HIVEP2: variants seen among roughly 807,000 people sequenced by gnomAD.
HIVEP2 encodes the protein transcription factor HIVEP2.
A neutral mutation model predicts 180.7 loss-of-function variants in HIVEP2; 14 were observed. The observed-to-expected ratio is 0.08, with a 90% confidence interval of 0.05 to 0.12. The LOEUF is 0.12. Ranked by LOEUF, HIVEP2 falls within the 10% of genes least tolerant of loss-of-function variation. The pLI is 1.00. For synonymous variants in HIVEP2, 1,184 were observed against 1,136.4 expected (o/e 1.04, Z -0.84); for missense variants, 2,579 against 3,008.5 (o/e 0.86, Z 3.34).
chr6:142,885,232 C>T (rs1776666505), intron 1 of HIVEP2, among the ~76,000 whole-genome samples: 1 of 152,122 alleles, frequency 6.6e-6, no homozygotes, highest in Admixed American at 6.6e-5. Flanking sequence ...GGAAATGCAC[C>T]TTTCCCCACA....
At chr6:142,792,701 A>T (rs994015046) in intron 2 of HIVEP2, among the ~76,000 whole-genome samples, 1 of 152,154 alleles carries the variant, frequency 6.6e-6, no homozygotes, top group Non-Finnish European at 1.5e-5. Context: ...CATTCTGCAC[A>T]TGTATCCCAG....
chr6:142,811,200 T>TGAGA (rs371157476), intron 2 of HIVEP2, among the ~76,000 whole-genome samples: 2 of 151,528 alleles, frequency 1.3e-5, no homozygotes, highest in African/African-American at 4.8e-5. Context: ...TGTGTGTGTG[T>TGAGA]GAGAGAGACA....
chr6:142,901,813 T>G (rs961295808), intron 1 of HIVEP2, among the ~76,000 whole-genome samples: 21 of 152,130 alleles, frequency 1.4e-4, no homozygotes, highest in African/African-American at 3.9e-4. Flanking sequence ...GAAAATGACC[T>G]TCGTCTTAAC....
intron 1 of HIVEP2, among the ~76,000 whole-genome samples, chr6:142,899,763 T>TC (rs1777085881): frequency 6.6e-6 from 1 of 152,158 alleles, no homozygotes; most frequent in African/African-American, 2.4e-5. Flanking sequence ...CCCAGGCCTC[T>TC]CATCAATAAT....
intron 6 of HIVEP2, among the ~76,000 whole-genome samples, chr6:142,767,673 C>A (rs1775409133): frequency 6.6e-6 from 1 of 152,168 alleles, no homozygotes; most frequent in Non-Finnish European, 1.5e-5. Flanking sequence ...ATGAAAGATA[C>A]ATTTCTATCA....
chr6:142,875,239 A>G (rs931692892), intron 1 of HIVEP2, among the ~76,000 whole-genome samples: 1 of 152,208 alleles, frequency 6.6e-6, no homozygotes, highest in African/African-American at 2.4e-5. Flanking sequence ...CACTGCCAGC[A>G]GGAAAAGCAG....
At chr6:142,790,041 T>A (rs1562519515) in intron 2 of HIVEP2, among the ~76,000 whole-genome samples, 2 of 152,196 alleles carry the variant, frequency 1.3e-5, no homozygotes, top group African/African-American at 4.8e-5. Flanking sequence ...CAATTTTCAG[T>A]ATAAGCTATT....
At chr6:142,827,526 G>A (rs572465614) in intron 2 of HIVEP2, among the ~76,000 whole-genome samples, 8 of 152,184 alleles carry the variant, frequency 5.3e-5, no homozygotes, top group Admixed American at 2.0e-4. Flanking sequence ...CTGTGTGCGC[G>A]CACGCACGTG....
intron 1 of HIVEP2, among the ~76,000 whole-genome samples, chr6:142,852,247 T>C (rs917725150): frequency 1.4e-4 from 22 of 152,222 alleles, no homozygotes; most frequent in Non-Finnish European, 3.2e-4. Flanking sequence ...GTTTTAACTT[T>C]ATTATTGGGA....
chr6:142,784,407 A>G (rs972250429), intron 2 of HIVEP2, among the ~76,000 whole-genome samples: 1 of 152,228 alleles, frequency 6.6e-6, no homozygotes, highest in Non-Finnish European at 1.5e-5. Flanking sequence ...TTCCTGCAGT[A>G]CCACTTCATG....
At chr6:142,890,341 C>T (rs895284190) in intron 1 of HIVEP2, among the ~76,000 whole-genome samples, 1 of 152,226 alleles carries the variant, frequency 6.6e-6, no homozygotes, top group South Asian at 2.1e-4. Context: ...ACAAAGTTAA[C>T]GCAATTCAGC....
intron 2 of HIVEP2, among the ~76,000 whole-genome samples, chr6:142,818,734 AAAGAAAGAAAGAAAG>A (rs1562249144): frequency 5.3e-4 from 9 of 17,012 alleles, no homozygotes; most frequent in African/African-American, 1.7e-3. Context: ...GAAAGAAAGA[AAAGAAAGAAAGAAAG>A]AAAGAAAGAA....
At chr6:142,923,302 G>T (rs1194444426) in intron 1 of HIVEP2, among the ~76,000 whole-genome samples, 2 of 151,602 alleles carry the variant, frequency 1.3e-5, no homozygotes, top group Non-Finnish European at 2.9e-5. Flanking sequence ...CTGTACTCCA[G>T]CCTGGGCAAC....
chr6:142,777,522 C>T (rs973813651), intron 3 of HIVEP2, among the ~76,000 whole-genome samples: 1 of 151,554 alleles, frequency 6.6e-6, no homozygotes, highest in African/African-American at 2.4e-5. Context: ...GTGGTGCATG[C>T]CTGTAATCCC....
chr6:142,756,968 T>TG (rs1342175737), intron 9 of HIVEP2, among the ~76,000 whole-genome samples: 3 of 152,184 alleles, frequency 2.0e-5, no homozygotes, highest in African/African-American at 7.2e-5. Flanking sequence ...GTAATAGAAC[T>TG]GGTATATAGA....
At chr6:142,937,895 G>C (rs1778093410) in intron 1 of HIVEP2, among the ~76,000 whole-genome samples, 1 of 152,200 alleles carries the variant, frequency 6.6e-6, no homozygotes, top group South Asian at 2.1e-4. Flanking sequence ...GCCTGGGATG[G>C]AGCCTGGCAC....
chr6:142,815,506 C>G (rs1485788545), intron 2 of HIVEP2, among the ~76,000 whole-genome samples: 1 of 152,050 alleles, frequency 6.6e-6, no homozygotes, highest in Non-Finnish European at 1.5e-5. Context: ...ATGAATAATT[C>G]CAGGGAGACT....
chr6:142,936,400 C>T (rs1461205923), intron 1 of HIVEP2, among the ~76,000 whole-genome samples: 1 of 151,832 alleles, frequency 6.6e-6, no homozygotes, highest in Non-Finnish European at 1.5e-5. Context: ...TCATATTGGC[C>T]ATGCTGATCT....
In HIVEP2 at chr6:142,853,951, T is replaced by C. The variant is rs148365065; in HGVS notation, c.-640-16904A>G. Reference sequence around the variant, plus strand: ...GAATTGAGGAAGAGAAGGGAATTCCTACCACAAGGCAACCGGGGAATTCCC... The same window carrying C: ...GAATTGAGGAAGAGAAGGGAATTCCCACCACAAGGCAACCGGGGAATTCCC... On this transcript the variant is annotated intron_variant, in intron 1 of 9. Coordinates refer to ENST00000367603, the MANE Select transcript of HIVEP2 (RefSeq NM_006734.4). 5.7e-3 allele frequency among the ~76,000 whole-genome samples: 867 copies of C among 152,260 alleles called. 9 individuals carry two copies. The highest frequency in any genetic ancestry group is 0.02 in the African/African-American group (817 of 41,538).
Sources: allele counts gnomAD v4.1 joint callset (sites outside exome capture counted in the v4.1 genomes callset), GRCh38; gene constraint gnomAD v4.1.1; transcripts MANE v1.5; gene names NCBI Gene and HGNC (gene_info 2026-07-23, HGNC 2026-07-21).